Variants in CAPZA1 observed in about 807,000 individuals in gnomAD.
CAPZA1 encodes F-actin-capping protein subunit alpha-1.
In CAPZA1, 10 loss-of-function variants were observed where a neutral mutation model predicts 40.8. That is an observed-to-expected ratio of 0.25 (90% CI 0.15 to 0.42). The LOEUF (loss-of-function observed/expected upper bound fraction) is 0.42, where lower values mean the gene tolerates loss of function less well. Ranked by LOEUF, CAPZA1 falls within the 10% of genes least tolerant of loss-of-function variation. The pLI, the probability that CAPZA1 is intolerant of heterozygous loss-of-function variation, is 1.00. For missense variants in CAPZA1, 277 were observed against 353.8 expected, an observed-to-expected ratio of 0.78 and a Z score of 1.74; for synonymous variants, 98 against 115.0, an observed-to-expected ratio of 0.85 and a Z score of 0.95.
At chr1:112,664,199 C>G (rs921868853) in intron 7 of CAPZA1, among the ~76,000 whole-genome samples, 2 of 149,010 alleles carry the variant, frequency 1.3e-5, no homozygotes, top group Admixed American at 6.7e-5. Flanking sequence ...CCACTGTGCT[C>G]CAGCTTGGGC....
chr1:112,663,270 C>T (rs528775414), intron 7 of CAPZA1, among the ~76,000 whole-genome samples: 1 of 151,760 alleles, frequency 6.6e-6, no homozygotes, highest in East Asian at 2.0e-4. Context: ...GGCTCATTCC[C>T]CTTTTGAATG....
chr1:112,629,203 C>T (rs370523927), intron 1 of CAPZA1, among the ~76,000 whole-genome samples: 7 of 152,190 alleles, frequency 4.6e-5, no homozygotes, highest in East Asian at 1.9e-4. Flanking sequence ...GTTCCAATCA[C>T]GTATTCTCGC....
chr1:112,628,717 ATT>A lies in CAPZA1; in HGVS notation c.39+8837_39+8838del, dbSNP rs140047398. 2.7e-3 allele frequency among the ~76,000 whole-genome samples: 406 copies of A among 152,294 alleles called. 2 individuals carry two copies. Among genetic ancestry groups the A allele is most frequent in the African/African-American group, 9.4e-3 (392 of 41,544 alleles). On this transcript the variant is annotated intron_variant, in intron 1 of 9. Coordinates refer to ENST00000263168, the MANE Select transcript of CAPZA1 (RefSeq NM_006135.3). ...TTTGCAGGACTGGTTATGTGTCAAA[ATT>A]TTGCATACTGCAGCTTCTCCTACAG...
At chr1:112,667,170 G>T (rs1316214174) in intron 8 of CAPZA1, 25 bp downstream of exon 8, 1 of 1,490,256 alleles carries the variant, frequency 6.7e-7, no homozygotes, top group East Asian at 2.3e-5. Context: ...TTTAGTGTCT[G>T]TCTTACTCAT....
At chr1:112,666,974 C>T in intron 7 of CAPZA1, 100 bp from the exon 8 acceptor site, 1 of 719,768 alleles carries the variant, frequency 1.4e-6, no homozygotes, top group Non-Finnish European at 2.4e-6. Context: ...GGTAAAATGG[C>T]TCATCAACTT....
rs573277457 is a variant in CAPZA1, at chr1:112,656,365, C to G, written c.426+1694C>G. ...AATTAGTAATATATGTAATATATGC[C>G]TGGAACAGTGCCTGGCACAAAGTAA... On this transcript the variant is annotated intron_variant, in intron 5 of 9. Transcript: ENST00000263168. Among the ~76,000 whole-genome samples, 4 of 149,978 alleles carry G rather than the reference C, an allele frequency of 2.7e-5. No homozygotes were observed. In the Admixed American group the frequency reaches 2.7e-4, roughly 10 times the overall value.
At chr1:112,631,663 C>T (rs540174040) in intron 1 of CAPZA1, among the ~76,000 whole-genome samples, 3 of 152,304 alleles carry the variant, frequency 2.0e-5, no homozygotes, top group Admixed American at 6.5e-5. Flanking sequence ...CCCTTTCAAA[C>T]TTGACATCTA....
At chr1:112,640,117 C>T (rs1570709031) in intron 1 of CAPZA1, among the ~76,000 whole-genome samples, 1 of 117,312 alleles carries the variant, frequency 8.5e-6, no homozygotes, top group Non-Finnish European at 1.8e-5. Context: ...GCCCAGCCAG[C>T]CGCCCCGTCC....
intron 1 of CAPZA1, among the ~76,000 whole-genome samples, chr1:112,644,351 C>G (rs1329897875): frequency 6.6e-6 from 1 of 151,786 alleles, no homozygotes; most frequent in Non-Finnish European, 1.5e-5. Context: ...CCACCACACC[C>G]AGCTAATTCT....
intron 5 of CAPZA1, among the ~76,000 whole-genome samples, chr1:112,658,803 A>G (rs945257476): frequency 6.6e-6 from 1 of 152,128 alleles, no homozygotes; most frequent in African/African-American, 2.4e-5. Flanking sequence ...CCCCAAACCA[A>G]GAGCAGTATT....
chr1:112,649,845 A>G (rs931091554), intron 3 of CAPZA1: 1 of 215,390 alleles, frequency 4.6e-6, no homozygotes, highest in Non-Finnish European at 9.1e-6. Context: ...GCAAATATTA[A>G]TAAAGTGCCT....
chr1:112,659,597 T>A, intron 6 of CAPZA1, 104 bp from the exon 7 acceptor site: 1 of 770,552 alleles, frequency 1.3e-6, no homozygotes, highest in Non-Finnish European at 2.1e-6. Context: ...TTTTTTTTTT[T>A]CTTTTTTTGC....
intron 3 of CAPZA1, 40 bp downstream of exon 3, chr1:112,649,509 C>T: frequency 6.8e-7 from 1 of 1,470,060 alleles, no homozygotes; most frequent in Non-Finnish European, 9.5e-7. Flanking sequence ...GTTACTCTAA[C>T]ATTGGATAAA....
At chr1:112,636,511 G>A (rs1176711446) in intron 1 of CAPZA1, among the ~76,000 whole-genome samples, 2 of 152,184 alleles carry the variant, frequency 1.3e-5, no homozygotes, top group Non-Finnish European at 2.9e-5. Flanking sequence ...GCCTCGGATA[G>A]TCTCCCTTTA....
At chr1:112,658,964 A>C in intron 5 of CAPZA1, 58 bp from the exon 6 acceptor site, 1 of 1,219,846 alleles carries the variant, frequency 8.2e-7, no homozygotes, top group Non-Finnish European at 1.2e-6. Flanking sequence ...TGTACAATGC[A>C]TGTTGTTTAA....
rs1052865381 is a variant in CAPZA1, at chr1:112,671,470, T to C, written c.*1338T>C. The C allele has an allele frequency of 3.3e-5, 5 of 152,702 alleles. No homozygotes were observed. The highest frequency in any genetic ancestry group is 7.3e-5 in the Non-Finnish European group (5 of 68,054). The allele number at this position is 152,702 out of a possible 1,614,324, so 9.5% of individuals were successfully genotyped here. A position where few individuals can be genotyped will look rare whatever the true frequency, so the allele number is the denominator to read the frequency against. On this transcript the variant is annotated 3_prime_UTR_variant, in exon 10 of 10. Transcript: ENST00000263168. ...TCAGTAATATAGTCAAGCAAGTTTG[T>C]TCCAGGTGACCCATTGAGCTGTGTA...
At chr1:112,659,266 T>C (rs1671556335) in intron 6 of CAPZA1, 165 bp downstream of exon 6, 3 of 592,154 alleles carry the variant, frequency 5.1e-6, no homozygotes, top group African/African-American at 3.7e-5. Context: ...TTTATAATTA[T>C]ATTTTCCTTT....
At chr1:112,636,143 A>G (rs1316146346) in intron 1 of CAPZA1, among the ~76,000 whole-genome samples, 1 of 152,222 alleles carries the variant, frequency 6.6e-6, no homozygotes. Context: ...TCCTTAGGAC[A>G]TTTTCTTAAG....
At chr1:112,635,281 C>T (rs1670993220) in intron 1 of CAPZA1, among the ~76,000 whole-genome samples, 1 of 151,964 alleles carries the variant, frequency 6.6e-6, no homozygotes, top group Admixed American at 6.6e-5. Context: ...GAGTCAAGGC[C>T]AAGAGGTGAA....
Sources: gnomAD v4.1 joint callset for allele counts (sites outside exome capture counted in the v4.1 genomes callset) on GRCh38, gnomAD v4.1.1 for gene constraint, MANE v1.5 for transcripts, NCBI Gene and HGNC (gene_info 2026-07-23, HGNC 2026-07-21) for gene names.